The following PTPRN2 variants were observed in gnomAD, a reference collection of about 807,000 sequenced individuals.
The protein encoded by PTPRN2 is receptor-type tyrosine-protein phosphatase N2.
Under a neutral mutation model 118.8 loss-of-function variants are expected in PTPRN2, and 74 were observed. The observed-to-expected ratio is 0.62, with a 90% CI of 0.52 to 0.76. The LOEUF is 0.76. Ranked by LOEUF, PTPRN2 falls within the 30% of genes least tolerant of loss-of-function variation. The pLI is 0.00. For missense variants in PTPRN2, 1,481 were observed against 1,394.4 expected, an observed-to-expected ratio of 1.06 and a Z score of -0.99; for synonymous variants, 641 against 608.0, an observed-to-expected ratio of 1.05 and a Z score of -0.80.
chr7:157,787,609 G>A lies in PTPRN2; in HGVS notation c.1789-104672C>T, dbSNP rs1180169343. The stretch of plus-strand genomic sequence containing the variant: ...GAGAGAGAGGCAGAGGAGAGTGGCC[G>A]TGACCTGGAGGACAAGGACATGCAT... On this transcript the variant is annotated intron_variant, in intron 12 of 22. Transcript: ENST00000389418. This position sits in a 1 kb window ranked among gnomAD's most constrained non-coding sequence, Gnocchi z 5.3. 2.6e-5 allele frequency among the ~76,000 whole-genome samples: 4 copies of A among 152,124 alleles called. No homozygotes were observed. Among genetic ancestry groups the A allele is most frequent in the South Asian group, 4.1e-4 (2 of 4,824 alleles).
intron 4 of PTPRN2, among the ~76,000 whole-genome samples, chr7:158,199,057 C>T (rs1170328954): frequency 1.3e-5 from 2 of 152,020 alleles, no homozygotes; most frequent in African/African-American, 2.4e-5. Flanking sequence ...TTAGCATGTT[C>T]TCAAGTTCTC....
At chr7:157,691,843 T>C (rs1797515813) in intron 12 of PTPRN2, among the ~76,000 whole-genome samples, 1 of 151,968 alleles carries the variant, frequency 6.6e-6, no homozygotes, top group African/African-American at 2.4e-5. Context: ...TCGGGGCGAC[T>C]AGGACCACTG....
intron 2 of PTPRN2, among the ~76,000 whole-genome samples, chr7:158,345,466 G>T (rs1450948525): frequency 6.6e-6 from 1 of 152,154 alleles, no homozygotes; most frequent in Admixed American, 6.5e-5. Flanking sequence ...TGGAGCAAGA[G>T]AAAGAACAAA....
intron 13 of PTPRN2, among the ~76,000 whole-genome samples, chr7:157,680,097 C>T (rs1382889643): frequency 2.0e-5 from 3 of 152,226 alleles, no homozygotes; most frequent in Non-Finnish European, 2.9e-5. Context: ...CATTCTCTCT[C>T]TCCGAGGTTA....
chr7:157,632,764 T>TA lies in PTPRN2; in HGVS notation c.2197-11256dup, dbSNP rs1416252127. On this transcript the variant is annotated intron_variant, in intron 14 of 22. Transcript: ENST00000389418. The surrounding 1 kb of genome is among the most constrained non-coding windows in gnomAD (Gnocchi z 4.3). The stretch of plus-strand genomic sequence containing the variant: ...AATCTTATTATCTTATTTAACATCT[T>TA]AAAAATTAAGGTTATGTGAACATAG... Among the ~76,000 whole-genome samples, 5 of 152,206 alleles carry TA rather than the reference T, an allele frequency of 3.3e-5. No individual in the cohort carries two copies. The highest frequency in any genetic ancestry group is 7.3e-5 in the Non-Finnish European group (5 of 68,034).
intron 1 of PTPRN2, among the ~76,000 whole-genome samples, chr7:158,556,488 A>G (rs1827005218): frequency 1.3e-5 from 2 of 151,914 alleles, no homozygotes; most frequent in South Asian, 4.2e-4. Context: ...GGGAGGCGGA[A>G]GTTGCAGTGA....
intron 2 of PTPRN2, among the ~76,000 whole-genome samples, chr7:158,443,053 A>T (rs1817466002): frequency 6.6e-6 from 1 of 151,646 alleles, no homozygotes; most frequent in South Asian, 2.1e-4. Flanking sequence ...ATTAAAAAAA[A>T]AAAAAAAAGC....
In PTPRN2 at chr7:157,818,245, T is replaced by C. The variant is rs114616607; in HGVS notation, c.1788+80428A>G. Among the ~76,000 whole-genome samples, 719 of 152,170 alleles carry C rather than the reference T, an allele frequency of 4.7e-3. 8 individuals carry two copies. The highest frequency in any genetic ancestry group is 0.016 in the African/African-American group (677 of 41,508). On this transcript the variant is annotated intron_variant, in intron 12 of 22. Coordinates refer to ENST00000389418, the MANE Select transcript of PTPRN2 (RefSeq NM_002847.5). ...GCATGTGTATGTGTGTGCCCGTGCA[T>C]GTGTGGTGTATGGTATGTGTGTGGT...
At chr7:157,823,438 C>T (rs1053088891) in intron 12 of PTPRN2, among the ~76,000 whole-genome samples, 1 of 152,224 alleles carries the variant, frequency 6.6e-6, no homozygotes, top group Admixed American at 6.5e-5. Flanking sequence ...TGATTATGAG[C>T]AGCTGCTTCT....
intron 2 of PTPRN2, among the ~76,000 whole-genome samples, chr7:158,419,827 T>G (rs1050196289): frequency 6.6e-6 from 1 of 151,988 alleles, no homozygotes; most frequent in Non-Finnish European, 1.5e-5. Flanking sequence ...TATTTTATTA[T>G]CTCCAAATCC....
intron 4 of PTPRN2, among the ~76,000 whole-genome samples, chr7:158,194,776 G>A (rs1335493233): frequency 6.6e-6 from 1 of 152,250 alleles, no homozygotes; most frequent in Non-Finnish European, 1.5e-5. Flanking sequence ...GTTAGGGCAA[G>A]AAGCCCAAAT....
intron 2 of PTPRN2, among the ~76,000 whole-genome samples, chr7:158,461,853 G>A (rs1033866117): frequency 2.0e-5 from 3 of 152,180 alleles, no homozygotes; most frequent in East Asian, 3.8e-4. Flanking sequence ...TTAAAAACAC[G>A]TCTTTAGTGT....
chr7:157,692,230 C>T (rs1456462814), intron 12 of PTPRN2, among the ~76,000 whole-genome samples: 1 of 152,098 alleles, frequency 6.6e-6, no homozygotes, highest in East Asian at 1.9e-4. Context: ...CCCCTCCCGC[C>T]GCACACCCGG....
rs532685407 is a variant in PTPRN2 at position 158,531,585 on chromosome 7, C to A, written c.113-41800G>T. Among the ~76,000 whole-genome samples the A allele has an allele frequency of 1.6e-4, 25 of 152,342 alleles. 1 individual carries two copies. The highest frequency in any genetic ancestry group is 1.6e-3 in the Admixed American group (25 of 15,306). ...GGGTGTTTGCTGTGGTGGACAGATG[C>A]CCACATCTCACGCGCAGCCTCCTGG... On this transcript the variant is annotated intron_variant, in intron 1 of 22. Coordinates refer to ENST00000389418, the MANE Select transcript of PTPRN2 (RefSeq NM_002847.5).
chr7:158,327,059 C>T (rs1237070019), intron 2 of PTPRN2, among the ~76,000 whole-genome samples: 2 of 149,518 alleles, frequency 1.3e-5, no homozygotes, highest in African/African-American at 4.9e-5. Context: ...ACATTCTCAT[C>T]TGCACATACA....
chr7:158,140,095 C>T (rs1264428687), intron 6 of PTPRN2, among the ~76,000 whole-genome samples: 2 of 152,106 alleles, frequency 1.3e-5, no homozygotes, highest in Admixed American at 6.5e-5. Flanking sequence ...CTTCTTTTCT[C>T]CTCTTACTTT....
chr7:158,441,571 G>T (rs1451108770), intron 2 of PTPRN2, among the ~76,000 whole-genome samples: 1 of 147,826 alleles, frequency 6.8e-6, no homozygotes, highest in Non-Finnish European at 1.5e-5. Flanking sequence ...GATAGTGATG[G>T]TGATGGCAGT....
chr7:158,283,313 A>G (rs1044736632), intron 3 of PTPRN2, among the ~76,000 whole-genome samples: 8 of 152,156 alleles, frequency 5.3e-5, no homozygotes, highest in African/African-American at 1.7e-4. Context: ...CAGACCCCCA[A>G]GAGGAGAGGG....
At chr7:158,086,752 T>C (rs1216342410) in intron 10 of PTPRN2, among the ~76,000 whole-genome samples, 1 of 152,220 alleles carries the variant, frequency 6.6e-6, no homozygotes, top group African/African-American at 2.4e-5. Flanking sequence ...GCTCTGTGTG[T>C]GTGCAGGAAT....
Sources: allele counts gnomAD v4.1 joint callset (sites outside exome capture counted in the v4.1 genomes callset), GRCh38; gene constraint gnomAD v4.1.1; non-coding constraint Gnocchi (gnomAD v3.1); transcripts MANE v1.5; gene names NCBI Gene and HGNC (gene_info 2026-07-23, HGNC 2026-07-21).